The following DNAH11 variants were observed in gnomAD, a reference collection of about 807,000 sequenced individuals.
DNAH11 encodes the protein dynein axonemal heavy chain 11, also known as axonemal beta dynein heavy chain 11.
DNAH11 carries 442 observed loss-of-function variants against 526.0 expected under a neutral mutation model. That is an observed-to-expected ratio of 0.84 (90% CI 0.78 to 0.91). The LOEUF (loss-of-function observed/expected upper bound fraction) is 0.91, where lower values mean the gene tolerates loss of function less well. Among genes scored for constraint, DNAH11 ranks in the 40% least tolerant of loss-of-function variants. The probability of loss-of-function intolerance (pLI) is 0.00; values close to 1 mark genes in which losing one functional copy is unlikely to be tolerated. For missense variants in DNAH11, 6,989 were observed against 5,448.7 expected (o/e 1.28, Z -8.90); for synonymous variants, 2,461 against 1,935.9 (o/e 1.27, Z -7.12).
chr7:21,890,942 G>T (rs1784305020), intron 76 of DNAH11, among the ~76,000 whole-genome samples: 1 of 152,234 alleles, frequency 6.6e-6, no homozygotes, highest in South Asian at 2.1e-4. Flanking sequence ...TAAAAATGCT[G>T]TGTCGAATGT....
intron 25 of DNAH11, among the ~76,000 whole-genome samples, chr7:21,622,701 A>G (rs1188028178): frequency 6.6e-6 from 1 of 152,214 alleles, no homozygotes; most frequent in Non-Finnish European, 1.5e-5. Context: ...AAACCTGAGA[A>G]AAACAAGCAA....
intron 63 of DNAH11, 136 bp downstream of exon 63, chr7:21,808,185 C>T (rs560498748): frequency 3.4e-6 from 2 of 587,234 alleles, no homozygotes; most frequent in African/African-American, 3.8e-5. Flanking sequence ...GAAATTGTTT[C>T]TCATGTGCTG....
At chr7:21,803,277 C>A (rs900344348) in intron 62 of DNAH11, among the ~76,000 whole-genome samples, 7 of 151,968 alleles carry the variant, frequency 4.6e-5, no homozygotes, top group Admixed American at 6.6e-5. Flanking sequence ...TCACATATTA[C>A]AAAAAATGCT....
chr7:21,755,310 C>T (rs1786580316), intron 54 of DNAH11, among the ~76,000 whole-genome samples: 1 of 152,174 alleles, frequency 6.6e-6, no homozygotes, highest in African/African-American at 2.4e-5. Context: ...TGCATCTTTT[C>T]CCACACAGTT....
intron 28 of DNAH11, among the ~76,000 whole-genome samples, chr7:21,647,596 A>C (rs1562726192): frequency 6.6e-6 from 1 of 151,262 alleles, no homozygotes; most frequent in South Asian, 2.1e-4. Context: ...CAACTGGCTA[A>C]TTTTTTTTGT....
chr7:21,861,118 A>G (rs536032112), intron 68 of DNAH11, among the ~76,000 whole-genome samples: 1 of 152,310 alleles, frequency 6.6e-6, no homozygotes, highest in East Asian at 1.9e-4. Context: ...TCATAGAAAC[A>G]GAAAGTAGAA....
At chr7:21,719,789 C>T (rs978569903) in intron 43 of DNAH11, among the ~76,000 whole-genome samples, 16 of 152,176 alleles carry the variant, frequency 1.1e-4, no homozygotes, top group Non-Finnish European at 2.2e-4. Context: ...GATCTGTGAT[C>T]GCTTGCGTTG....
rs35392204 is a variant in DNAH11, at chr7:21,561,447, T to TAA, written c.982+288_982+289dup. ...GAGGAGTGAGGCCTTCATTCGGAGT[T>TAA]AAAAAAAAAAAATAAGTCTGGATAG... On this transcript the variant is annotated intron_variant, in intron 5 of 81. Coordinates refer to ENST00000409508, the MANE Select transcript of DNAH11 (RefSeq NM_001277115.2). 1,650 of 240,032 alleles carry TAA rather than the reference T, an allele frequency of 6.9e-3. 19 individuals are homozygous for TAA. Among genetic ancestry groups the TAA allele is most frequent in the Admixed American group, 0.031 (553 of 17,578 alleles). 14.9% of individuals were successfully genotyped at this position (240,032 alleles called of 1,614,324 possible). A position where few individuals can be genotyped will look rare whatever the true frequency, so the allele number is the denominator to read the frequency against.
At chr7:21,702,593 T>A in intron 36 of DNAH11, 117 bp from the exon 37 acceptor site, 1 of 747,732 alleles carries the variant, frequency 1.3e-6, no homozygotes, top group Non-Finnish European at 2.3e-6. Context: ...GTATTTTGAA[T>A]CATTAAAGTG....
At chr7:21,636,368 T>C (rs1009407792) in intron 26 of DNAH11, among the ~76,000 whole-genome samples, 10 of 152,210 alleles carry the variant, frequency 6.6e-5, no homozygotes, top group Non-Finnish European at 1.3e-4. Flanking sequence ...GCTTTACTTG[T>C]AGACACTGAA....
intron 25 of DNAH11, among the ~76,000 whole-genome samples, chr7:21,625,227 A>G (rs773820210): frequency 3.3e-5 from 5 of 151,820 alleles, no homozygotes; most frequent in African/African-American, 1.2e-4. Flanking sequence ...ATCTGTTGAG[A>G]TCTTTTATTT....
chr7:21,826,449 A>G (rs780182930), intron 65 of DNAH11, among the ~76,000 whole-genome samples: 24 of 152,336 alleles, frequency 1.6e-4, no homozygotes, highest in Admixed American at 5.2e-4. Flanking sequence ...AAATGTTGCT[A>G]TGTATTCATT....
intron 30 of DNAH11, among the ~76,000 whole-genome samples, chr7:21,659,717 C>A (rs906599653): frequency 1.3e-5 from 2 of 152,006 alleles, no homozygotes; most frequent in African/African-American, 4.8e-5. Flanking sequence ...TATAAGTGAA[C>A]CTGGTAGGAT....
chr7:21,668,082 C>A (rs755906006), intron 30 of DNAH11, among the ~76,000 whole-genome samples: 2 of 152,132 alleles, frequency 1.3e-5, no homozygotes, highest in African/African-American at 4.8e-5. Flanking sequence ...GATAGAAAAA[C>A]CACACAAAGA....
At chr7:21,900,878 A>G in intron 81 of DNAH11, 129 bp from the exon 82 acceptor site, 1 of 1,448,528 alleles carries the variant, frequency 6.9e-7, no homozygotes, top group East Asian at 2.3e-5. Flanking sequence ...GCTCAGTAAA[A>G]ATACCACTGA....
intron 31 of DNAH11, among the ~76,000 whole-genome samples, chr7:21,682,780 GC>G (rs1018370492): frequency 3.2e-4 from 49 of 152,120 alleles, no homozygotes; most frequent in African/African-American, 1.1e-3. Flanking sequence ...TTTATTAAAA[GC>G]AAAGTGAATT....
intron 54 of DNAH11, among the ~76,000 whole-genome samples, chr7:21,760,613 A>G (rs775065499): frequency 2.0e-5 from 3 of 152,192 alleles, no homozygotes; most frequent in Non-Finnish European, 4.4e-5. Context: ...CACATTTTTG[A>G]TGGGGGAGGT....
intron 25 of DNAH11, among the ~76,000 whole-genome samples, chr7:21,634,615 T>C (rs1251374933): frequency 6.6e-6 from 1 of 151,836 alleles, no homozygotes; most frequent in African/African-American, 2.4e-5. Context: ...AAACATTGAG[T>C]CCCCTTGGAC....
chr7:21,642,762 A>G (rs1368211270), intron 28 of DNAH11, among the ~76,000 whole-genome samples: 2 of 152,108 alleles, frequency 1.3e-5, no homozygotes, highest in South Asian at 4.1e-4. Flanking sequence ...GAGTTTCTGC[A>G]GTTAATTGTG....
Sources: gnomAD v4.1 joint callset for allele counts (sites outside exome capture counted in the v4.1 genomes callset) on GRCh38, gnomAD v4.1.1 for gene constraint, MANE v1.5 for transcripts, NCBI Gene and HGNC (gene_info 2026-07-23, HGNC 2026-07-21) for gene names.